Variants in SRD5A2 observed in about 807,000 individuals in gnomAD.
SRD5A2 encodes 3-oxo-5-alpha-steroid 4-dehydrogenase 2.
SRD5A2 carries 30 observed loss-of-function variants against 27.4 expected under a neutral mutation model. The ratio of observed to expected loss-of-function variants is 1.10; its 90% confidence interval spans 0.82 to 1.49. The LOEUF (loss-of-function observed/expected upper bound fraction) is 1.49. Ranked by LOEUF, SRD5A2 falls within the 40% of genes most tolerant of loss-of-function variation. SRD5A2 has a pLI of 0.00. For missense variants in SRD5A2, 348 were observed against 323.4 expected, an observed-to-expected ratio of 1.08 and a Z score of -0.58; for synonymous variants, 141 against 133.6, an observed-to-expected ratio of 1.06 and a Z score of -0.38.
At position 31,524,184 on chromosome 2, in the gene SRD5A2, G is replaced by A. The variant is rs1426252951; in HGVS notation, c.*2012C>T. 4.5e-6 allele frequency: 1 copy of A among 224,682 alleles called. No homozygotes were observed. The highest frequency in any genetic ancestry group is 8.9e-6 in the Non-Finnish European group (1 of 112,588). 13.9% of individuals were successfully genotyped at this position (224,682 alleles called of 1,614,324 possible). The stretch of plus-strand genomic sequence containing the variant: ...ATGTTTTACATGGTAGTAAAATAAA[G>A]GACTTAAGCAAGGTAGTTTTCAATG... On this transcript the variant is annotated 3_prime_UTR_variant, in exon 5 of 5. Coordinates refer to ENST00000622030, the MANE Select transcript of SRD5A2 (RefSeq NM_000348.4).
At chr2:31,633,308 C>G in the SRD5A2 span, among the ~76,000 whole-genome samples, 2 of 152,128 alleles carry the variant, frequency 1.3e-5, no homozygotes, top group Non-Finnish European at 2.9e-5. Context: ...AACCCTTCAC[C>G]AAACCTTTCA....
chr2:31,657,061 G>A, the SRD5A2 span, among the ~76,000 whole-genome samples: 8 of 152,176 alleles, frequency 5.3e-5, no homozygotes, highest in Non-Finnish European at 8.8e-5. Flanking sequence ...ATCCTGATGA[G>A]ACAGGACAAC....
the SRD5A2 span, among the ~76,000 whole-genome samples, chr2:31,592,998 A>C: frequency 2.0e-5 from 3 of 152,158 alleles, no homozygotes; most frequent in Non-Finnish European, 2.9e-5. Context: ...TTCTCAGTAA[A>C]CTATCGCAAG....
At chr2:31,534,619 C>T (rs377226404) in intron 1 of SRD5A2, among the ~76,000 whole-genome samples, 1 of 152,212 alleles carries the variant, frequency 6.6e-6, no homozygotes, top group Admixed American at 6.5e-5. Flanking sequence ...CATATGCATG[C>T]ACACACACAT....
chr2:31,532,010 G>A (rs1457114482), intron 2 of SRD5A2, among the ~76,000 whole-genome samples: 1 of 152,110 alleles, frequency 6.6e-6, no homozygotes, highest in Non-Finnish European at 1.5e-5. Context: ...GGCAAGACCG[G>A]TGCCCCTACT....
At chr2:31,594,146 A>G in the SRD5A2 span, among the ~76,000 whole-genome samples, 1 of 152,204 alleles carries the variant, frequency 6.6e-6, no homozygotes, top group Non-Finnish European at 1.5e-5. Context: ...ATGAAAAATA[A>G]AAAAGATATT....
chr2:31,611,670 T>A, the SRD5A2 span, among the ~76,000 whole-genome samples: 1 of 152,120 alleles, frequency 6.6e-6, no homozygotes, highest in Non-Finnish European at 1.5e-5. Flanking sequence ...TAATGCCAAA[T>A]GAAGATAATA....
upstream of SRD5A2, among the ~76,000 whole-genome samples, chr2:31,581,750 G>A (rs1458614940): frequency 1.3e-5 from 2 of 152,156 alleles, no homozygotes; most frequent in East Asian, 1.9e-4. Flanking sequence ...CTAAAGTCTA[G>A]GGCTTCTTTC....
chr2:31,591,279 C>T, the SRD5A2 span, among the ~76,000 whole-genome samples: 2 of 152,116 alleles, frequency 1.3e-5, no homozygotes, highest in African/African-American at 2.4e-5. Context: ...GGGTGAAGGA[C>T]ATGAACAGAC....
chr2:31,639,980 T>C, the SRD5A2 span, among the ~76,000 whole-genome samples: 1 of 152,222 alleles, frequency 6.6e-6, no homozygotes, highest in African/African-American at 2.4e-5. Context: ...AATTCTTAGA[T>C]TTGGTCTTTT....
chr2:31,595,478 TATAC>T, the SRD5A2 span, among the ~76,000 whole-genome samples: 1 of 152,018 alleles, frequency 6.6e-6, no homozygotes, highest in African/African-American at 2.4e-5. Flanking sequence ...TTTCTGGCAA[TATAC>T]AACCCTCCCA....
chr2:31,539,346 T>C (rs1198405209), intron 1 of SRD5A2, among the ~76,000 whole-genome samples: 2 of 152,066 alleles, frequency 1.3e-5, no homozygotes, highest in Non-Finnish European at 2.9e-5. Context: ...AGCCAAGGAA[T>C]GAGAAAAAGG....
chr2:31,615,340 C>T, the SRD5A2 span, among the ~76,000 whole-genome samples: 1 of 152,072 alleles, frequency 6.6e-6, no homozygotes, highest in Non-Finnish European at 1.5e-5. Flanking sequence ...TGGCTTTGAC[C>T]AAAATGCTGA....
chr2:31,547,120 T>A (rs1437278089), intron 1 of SRD5A2, among the ~76,000 whole-genome samples: 1 of 149,638 alleles, frequency 6.7e-6, no homozygotes, highest in East Asian at 1.9e-4. Context: ...TAAAATAAAA[T>A]AAAAATAAAA....
At chr2:31,610,483 T>C in the SRD5A2 span, among the ~76,000 whole-genome samples, 3 of 152,160 alleles carry the variant, frequency 2.0e-5, no homozygotes, top group Admixed American at 6.6e-5. Context: ...TAGAGAAGAA[T>C]GTACCTCAAC....
intron 4 of SRD5A2, among the ~76,000 whole-genome samples, chr2:31,528,910 G>A (rs1162400632): frequency 6.6e-6 from 1 of 152,200 alleles, no homozygotes; most frequent in Non-Finnish European, 1.5e-5. Flanking sequence ...GGCTTCTTCC[G>A]CTTCTTGAGG....
chr2:31,620,234 G>A, the SRD5A2 span, among the ~76,000 whole-genome samples: 1 of 152,000 alleles, frequency 6.6e-6, no homozygotes, highest in Admixed American at 6.6e-5. Context: ...ACATCACACT[G>A]AAATGAGCAA....
intron 1 of SRD5A2, among the ~76,000 whole-genome samples, chr2:31,537,275 C>A (rs1037707672): frequency 1.5e-4 from 23 of 152,108 alleles, no homozygotes; most frequent in Non-Finnish European, 3.1e-4. Flanking sequence ...GACCCTGTAA[C>A]CTTGTTCATC....
chr2:31,534,844 C>T (rs753975349), intron 1 of SRD5A2, among the ~76,000 whole-genome samples: 1 of 152,120 alleles, frequency 6.6e-6, no homozygotes, highest in Non-Finnish European at 1.5e-5. Context: ...ATGCCCTGGG[C>T]TTCATGTCAG....
Sources: gnomAD v4.1 joint callset for allele counts (sites outside exome capture counted in the v4.1 genomes callset) on GRCh38, gnomAD v4.1.1 for gene constraint, MANE v1.5 for transcripts, NCBI Gene and HGNC (gene_info 2026-07-23, HGNC 2026-07-21) for gene names.